The following IQSEC1 variants were observed in gnomAD, a reference collection of about 807,000 sequenced individuals.
IQSEC1 encodes the protein IQ motif and SEC7 domain-containing protein 1.
Under a neutral mutation model 91.0 loss-of-function variants are expected in IQSEC1, and 31 were observed. The observed-to-expected ratio is 0.34, with a 90% CI of 0.26 to 0.46. IQSEC1 has a LOEUF of 0.46. IQSEC1 is among the 20% of genes least tolerant of loss of function. The pLI is 1.00. For synonymous variants in IQSEC1, 699 were observed against 662.6 expected, an observed-to-expected ratio of 1.05 and a Z score of -0.84; for missense variants, 1,388 against 1,575.6, an observed-to-expected ratio of 0.88 and a Z score of 2.02.
chr3:13,270,280 G>T (rs778528164), intron 1 of IQSEC1, among the ~76,000 whole-genome samples: 2 of 152,188 alleles, frequency 1.3e-5, no homozygotes, highest in Non-Finnish European at 2.9e-5. Context: ...ATTTGTTACA[G>T]GCCAACAAAT....
intron 2 of IQSEC1, among the ~76,000 whole-genome samples, chr3:13,133,674 A>T (rs571952195): frequency 1.8e-4 from 28 of 152,310 alleles, no homozygotes; most frequent in African/African-American, 6.7e-4. Context: ...GTTCAAGGTA[A>T]TTTATGACTC....
chr3:13,068,738 G>A (rs1559246733), intron 1 of IQSEC1, among the ~76,000 whole-genome samples: 1 of 152,110 alleles, frequency 6.6e-6, no homozygotes, highest in African/African-American at 2.4e-5. Flanking sequence ...CCCTGCACCC[G>A]GGGCCCCCAC....
At chr3:12,953,820 T>G (rs1699724809) in intron 1 of IQSEC1, among the ~76,000 whole-genome samples, 1 of 152,222 alleles carries the variant, frequency 6.6e-6, no homozygotes, top group Admixed American at 6.5e-5. Context: ...ACACTTGAGT[T>G]GGAACCCCAA....
At chr3:13,109,636 G>A (rs1295659295) in intron 2 of IQSEC1, among the ~76,000 whole-genome samples, 2 of 151,830 alleles carry the variant, frequency 1.3e-5, no homozygotes, top group African/African-American at 4.8e-5. Flanking sequence ...AGAGGTGTGT[G>A]ACCCTCCTCT....
chr3:13,049,223 G>C (rs952622589), intron 1 of IQSEC1, among the ~76,000 whole-genome samples: 4 of 152,160 alleles, frequency 2.6e-5, no homozygotes, highest in Non-Finnish European at 5.9e-5. Context: ...CCGCTCAGCT[G>C]CACACGAGCC....
At chr3:13,136,052 C>A (rs1348274370) in intron 2 of IQSEC1, among the ~76,000 whole-genome samples, 1 of 152,230 alleles carries the variant, frequency 6.6e-6, no homozygotes, top group Non-Finnish European at 1.5e-5. Context: ...CATGTCCTGG[C>A]CATGGGAGGC....
intron 1 of IQSEC1, among the ~76,000 whole-genome samples, chr3:13,032,585 ATTTTT>A (rs138670438): frequency 6.9e-5 from 10 of 145,308 alleles, no homozygotes; most frequent in Admixed American, 2.7e-4. Context: ...AGCTTTAAAC[ATTTTT>A]TTTTTTTTTT....
At chr3:13,046,057 C>T (rs1018519737) in intron 1 of IQSEC1, among the ~76,000 whole-genome samples, 5 of 152,174 alleles carry the variant, frequency 3.3e-5, no homozygotes, top group African/African-American at 1.2e-4. Flanking sequence ...TGAGGAACTA[C>T]TAGTATGAGG....
intron 1 of IQSEC1, among the ~76,000 whole-genome samples, chr3:13,169,048 G>T (rs1693554618): frequency 6.6e-6 from 1 of 152,142 alleles, no homozygotes; most frequent in Non-Finnish European, 1.5e-5. Flanking sequence ...AAAACAACAT[G>T]TATCTCTCAC....
intron 2 of IQSEC1, among the ~76,000 whole-genome samples, chr3:13,141,759 G>T (rs1038496046): frequency 1.3e-5 from 2 of 152,212 alleles, no homozygotes; most frequent in African/African-American, 4.8e-5. Context: ...AATTTCAGGT[G>T]CGACAAAGAA....
chr3:13,281,600 A>G (rs1375014996), intron 1 of IQSEC1, among the ~76,000 whole-genome samples: 1 of 152,170 alleles, frequency 6.6e-6, no homozygotes, highest in Non-Finnish European at 1.5e-5. Context: ...CCATGGCCAC[A>G]GTCGCTGCAG....
At chr3:13,174,449 G>A (rs1693678708) in intron 1 of IQSEC1, among the ~76,000 whole-genome samples, 1 of 152,116 alleles carries the variant, frequency 6.6e-6, no homozygotes, top group Non-Finnish European at 1.5e-5. Flanking sequence ...CACTCAGCCT[G>A]GCCCAGCTGA....
chr3:13,179,321 C>T (rs1693792843), intron 1 of IQSEC1, among the ~76,000 whole-genome samples: 1 of 152,172 alleles, frequency 6.6e-6, no homozygotes, highest in Non-Finnish European at 1.5e-5. Flanking sequence ...CCAAACAAAA[C>T]ATTCAAGGCA....
chr3:13,010,096 C>T (rs75056375), intron 1 of IQSEC1, among the ~76,000 whole-genome samples: 7,165 of 152,282 alleles, frequency 0.047, 571 homozygotes, highest in African/African-American at 0.16. Flanking sequence ...CTCTACCTCA[C>T]GGGGCTGACC....
intron 1 of IQSEC1, among the ~76,000 whole-genome samples, chr3:13,255,803 T>C (rs1177722438): frequency 6.6e-6 from 1 of 152,180 alleles, no homozygotes; most frequent in Non-Finnish European, 1.5e-5. Flanking sequence ...TTACAGTGTT[T>C]CAATGACTGA....
In IQSEC1 at chr3:13,224,401, G is replaced by A. The variant is rs148470747; in HGVS notation, c.272+58310C>T. ...CAATGTGGGCATCACTGGTCTCCTAGTTCTGGGCCCTGGGCCCAGCCCAGG... is the reference window on the plus strand; with the variant it reads ...CAATGTGGGCATCACTGGTCTCCTAATTCTGGGCCCTGGGCCCAGCCCAGG... On this transcript the variant is annotated intron_variant, in intron 1 of 15. Coordinates refer to the IQSEC1 transcript ENST00000648114. Among the ~76,000 whole-genome samples, 577 of 152,240 alleles carry A rather than the reference G, an allele frequency of 3.8e-3. 5 individuals are homozygous for A. Among genetic ancestry groups the A allele is most frequent in the African/African-American group, 0.013 (549 of 41,546 alleles).
chr3:13,276,966 C>T (rs1559291698), intron 1 of IQSEC1, among the ~76,000 whole-genome samples: 1 of 152,144 alleles, frequency 6.6e-6, no homozygotes, highest in East Asian at 1.9e-4. Flanking sequence ...GGTCAATTCC[C>T]TCTCCCCTAT....
intron 1 of IQSEC1, among the ~76,000 whole-genome samples, chr3:13,174,833 T>TCCCCCCCCCCCCCCCCCCCCC (rs754194155): frequency 1.8e-5 from 2 of 112,714 alleles, no homozygotes; most frequent in African/African-American, 3.5e-5. Context: ...GTCTTTCTGC[T>TCCCCCCCCCCCCCCCCCCCCC]CCCCCCCCCC....
chr3:13,143,121 C>G (rs1035288682), intron 2 of IQSEC1, among the ~76,000 whole-genome samples: 1 of 152,236 alleles, frequency 6.6e-6, no homozygotes, highest in Non-Finnish European at 1.5e-5. Flanking sequence ...TGTGCACTCC[C>G]TCTAGAGTGT....
Sources: allele counts gnomAD v4.1 joint callset (sites outside exome capture counted in the v4.1 genomes callset), GRCh38; gene constraint gnomAD v4.1.1; transcripts MANE v1.5; gene names NCBI Gene and HGNC (gene_info 2026-07-23, HGNC 2026-07-21).